Variants in TOP6BL observed in about 807,000 individuals in gnomAD.
TOP6BL encodes the protein type 2 DNA topoisomerase 6 subunit B-like.
At chr11:66,773,317 G>A in the TOP6BL span, among the ~76,000 whole-genome samples, 1 of 151,496 alleles carries the variant, frequency 6.6e-6, no homozygotes, top group African/African-American at 2.4e-5. Context: ...GCCTCCTAAA[G>A]TGCTGGGATT....
chr11:66,746,368 C>G, the TOP6BL span, among the ~76,000 whole-genome samples: 1 of 151,926 alleles, frequency 6.6e-6, no homozygotes, highest in Non-Finnish European at 1.5e-5. Flanking sequence ...GGGCAGATCA[C>G]TTGAGATCAG....
At chr11:66,779,151 A>G in the TOP6BL span, among the ~76,000 whole-genome samples, 2 of 152,226 alleles carry the variant, frequency 1.3e-5, no homozygotes, top group Admixed American at 1.3e-4. Context: ...ACAAAAGCCA[A>G]AATTGACAAA....
chr11:66,816,077 A>T, the TOP6BL span: 221 of 1,603,414 alleles, frequency 1.4e-4, no homozygotes, highest in Non-Finnish European at 1.8e-4. Flanking sequence ...GATGTGAGTT[A>T]TCAGGTGGAA....
the TOP6BL span, among the ~76,000 whole-genome samples, chr11:66,796,783 T>C: frequency 7.0e-6 from 1 of 143,570 alleles, no homozygotes; most frequent in Non-Finnish European, 1.5e-5. Flanking sequence ...ACCCTGTCTT[T>C]GGAAAAAAAA....
the TOP6BL span, among the ~76,000 whole-genome samples, chr11:66,773,867 G>A: frequency 1.3e-5 from 2 of 151,916 alleles, no homozygotes; most frequent in African/African-American, 4.8e-5. Flanking sequence ...CTCCCGAGTA[G>A]CTGGGATTAC....
chr11:66,837,521 T>C, the TOP6BL span, among the ~76,000 whole-genome samples: 1 of 150,146 alleles, frequency 6.7e-6, no homozygotes, highest in East Asian at 2.0e-4. Context: ...CTCAGCTCAC[T>C]GCAACATCCA....
At chr11:66,816,088 T>G in the TOP6BL span, 2 of 1,604,834 alleles carry the variant, frequency 1.2e-6, no homozygotes, top group Non-Finnish European at 1.7e-6. Context: ...TCAGGTGGAA[T>G]CCAGTGAGGA....
chr11:66,770,293 AT>A, the TOP6BL span, among the ~76,000 whole-genome samples: 2 of 152,160 alleles, frequency 1.3e-5, no homozygotes, highest in Non-Finnish European at 2.9e-5. Flanking sequence ...GTCTCTTGTT[AT>A]GGCGGCTTGA....
At chr11:66,813,486 G>A in the TOP6BL span, among the ~76,000 whole-genome samples, 48 of 152,304 alleles carry the variant, frequency 3.2e-4, no homozygotes, top group African/African-American at 1.1e-3. Context: ...TGTAATCCCA[G>A]CACTTTGGGA....
chr11:66,779,251 T>C, the TOP6BL span, among the ~76,000 whole-genome samples: 419 of 152,254 alleles, frequency 2.8e-3, 2 homozygotes, highest in African/African-American at 9.8e-3. Flanking sequence ...AGAAAATTTT[T>C]GCAACCTACT....
chr11:66,800,731 ATGGCTCTGC>A, the TOP6BL span: 1 of 1,511,552 alleles, frequency 6.6e-7, no homozygotes, highest in Non-Finnish European at 9.0e-7. Context: ...AGATGATGCT[ATGGCTCTGC>A]AATTTTTCTC....
chr11:66,792,236 A>T, the TOP6BL span, among the ~76,000 whole-genome samples: 2 of 152,210 alleles, frequency 1.3e-5, no homozygotes, highest in African/African-American at 4.8e-5. Flanking sequence ...ACTCTGGGAT[A>T]GGTGTCGGTC....
At chr11:66,772,731 C>T in the TOP6BL span, among the ~76,000 whole-genome samples, 1 of 152,256 alleles carries the variant, frequency 6.6e-6, no homozygotes, top group Non-Finnish European at 1.5e-5. Flanking sequence ...GATCATGCCA[C>T]TGCACTCCAG....
At chr11:66,794,925 G>C in the TOP6BL span, among the ~76,000 whole-genome samples, 1 of 152,142 alleles carries the variant, frequency 6.6e-6, no homozygotes, top group Non-Finnish European at 1.5e-5. Context: ...CTGAGGTGAG[G>C]AGTTCGAGAC....
At chr11:66,837,577 T>C in the TOP6BL span, among the ~76,000 whole-genome samples, 2 of 151,664 alleles carry the variant, frequency 1.3e-5, no homozygotes, top group Non-Finnish European at 2.9e-5. Context: ...CCTGAGTAGC[T>C]GGGATTACAG....
chr11:66,761,740 T>C, the TOP6BL span: 1 of 777,286 alleles, frequency 1.3e-6, no homozygotes. Context: ...CCAGGGAATC[T>C]GTGTTGAGTG....
chr11:66,810,866 T>G, the TOP6BL span, among the ~76,000 whole-genome samples: 1 of 148,952 alleles, frequency 6.7e-6, no homozygotes, highest in Non-Finnish European at 1.5e-5. Context: ...AAAAAAATCT[T>G]TAAAAAACAA....
the TOP6BL span, among the ~76,000 whole-genome samples, chr11:66,799,278 C>T: frequency 6.7e-6 from 1 of 149,184 alleles, no homozygotes; most frequent in Non-Finnish European, 1.5e-5. Flanking sequence ...CCCAGCTACT[C>T]AGGAGGCTGA....
At chr11:66,778,693 C>A in the TOP6BL span, among the ~76,000 whole-genome samples, 1 of 152,182 alleles carries the variant, frequency 6.6e-6, no homozygotes, top group Middle Eastern at 3.4e-3. Context: ...AAAAAAGAAC[C>A]CGCATTGCCA....
Sources: allele counts gnomAD v4.1 joint callset (sites outside exome capture counted in the v4.1 genomes callset), GRCh38; gene constraint gnomAD v4.1.1; transcripts MANE v1.5; gene names NCBI Gene and HGNC (gene_info 2026-07-23, HGNC 2026-07-21).